Variants in GALNT11 observed in about 807,000 individuals in gnomAD.
GALNT11 encodes UDP-GalNAc:polypeptide N-acetylgalactosaminyltransferase 11.
In GALNT11, 47 loss-of-function variants were observed where a neutral mutation model predicts 72.7. The ratio of observed to expected loss-of-function variants is 0.65; its 90% confidence interval spans 0.51 to 0.82. The LOEUF (loss-of-function observed/expected upper bound fraction) is 0.82, where lower values mean the gene tolerates loss of function less well. Among genes scored for constraint, GALNT11 ranks in the 40% least tolerant of loss-of-function variants. The pLI, the probability that GALNT11 is intolerant of heterozygous loss-of-function variation, is 0.00. For synonymous variants in GALNT11, 270 were observed against 286.6 expected (o/e 0.94, Z 0.58); for missense variants, 677 against 778.4 (o/e 0.87, Z 1.55).
intron 1 of GALNT11, among the ~76,000 whole-genome samples, chr7:152,071,624 A>G (rs1412849458): frequency 6.6e-6 from 1 of 152,242 alleles, no homozygotes; most frequent in Non-Finnish European, 1.5e-5. Flanking sequence ...AAGTAAAGAC[A>G]GGCATAGGAA....
chr7:152,096,672 G>A (rs1452057155), intron 2 of GALNT11, among the ~76,000 whole-genome samples: 2 of 146,446 alleles, frequency 1.4e-5, no homozygotes, highest in African/African-American at 2.6e-5. Flanking sequence ...TCAAGATCGC[G>A]CCATTGTACT....
chr7:152,055,561 G>A (rs1320697596), intron 1 of GALNT11, among the ~76,000 whole-genome samples: 4 of 114,328 alleles, frequency 3.5e-5, no homozygotes, highest in Non-Finnish European at 3.4e-5. Context: ...GTGTGTGTGT[G>A]TGTGTGTATA....
chr7:152,120,902 C>T lies in GALNT11; in HGVS notation c.1629C>T (p.Arg543=), dbSNP rs143156028. 578 of 1,613,452 alleles carry T rather than the reference C, an allele frequency of 3.6e-4. No homozygotes were observed. The highest frequency in any genetic ancestry group is 4.4e-4 in the Non-Finnish European group (522 of 1,179,660). ...SLLCLDMSET[R]SSDPPRLMKC... is the part of the protein sequence containing the mutation. ...TTTGTCTAGATATGTCAGAGACTCGCTCATCAGACCCGCCACGGCTCATGA... is the reference window on the plus strand; with the variant it reads ...TTTGTCTAGATATGTCAGAGACTCGTTCATCAGACCCGCCACGGCTCATGA... The change falls in exon 11 of 12, where the codon CGC becomes CGT. Residue 543 remains arginine (R), a synonymous_variant. Coordinates refer to ENST00000430044, the MANE Select transcript of GALNT11 (RefSeq NM_022087.4).
At chr7:152,047,900 C>T (rs1290296717) in intron 1 of GALNT11, among the ~76,000 whole-genome samples, 1 of 151,760 alleles carries the variant, frequency 6.6e-6, no homozygotes, top group Admixed American at 6.6e-5. Context: ...TTGATCAGTT[C>T]GTCTTTTAGT....
chr7:152,089,042 G>A (rs1272541411), intron 1 of GALNT11, among the ~76,000 whole-genome samples: 4 of 152,142 alleles, frequency 2.6e-5, no homozygotes, highest in Non-Finnish European at 4.4e-5. Context: ...CTTCATTCAT[G>A]TGAAGCTGGC....
intron 1 of GALNT11, among the ~76,000 whole-genome samples, chr7:152,051,199 G>A (rs1159720967): frequency 2.1e-5 from 1 of 46,808 alleles, no homozygotes; most frequent in Non-Finnish European, 4.9e-5. Flanking sequence ...ATATCTGGTT[G>A]TTTTTTTTTT....
intron 1 of GALNT11, among the ~76,000 whole-genome samples, chr7:152,057,544 T>C (rs2083755462): frequency 6.6e-6 from 1 of 152,054 alleles, no homozygotes; most frequent in Admixed American, 6.6e-5. Flanking sequence ...TGACCTCAAA[T>C]GACCCACCCG....
chr7:152,036,468 A>G (rs1340019664), intron 1 of GALNT11, among the ~76,000 whole-genome samples: 2 of 152,084 alleles, frequency 1.3e-5, no homozygotes, highest in Non-Finnish European at 2.9e-5. Context: ...TATATGTACC[A>G]TGTTTTCTTT....
rs1445532623 is a variant in GALNT11 at position 152,110,533 on chromosome 7, C to G, written c.968C>G (p.Pro323Arg). The change falls in exon 7 of 12, where the codon CCA (proline) becomes CGA (arginine). Residue 323 changes from proline (P) to arginine (R), a missense_variant. By Grantham distance (103) the Pro-to-Arg change is moderately radical (BLOSUM62 -2). Coordinates refer to ENST00000430044, the MANE Select transcript of GALNT11 (RefSeq NM_022087.4). ...AEGATAPIKS[P>R]TMAGGLFAMN... ...AGTAATTTTCCTTTTTCTAGGTCAC[C>G]AACAATGGCTGGAGGTTTGTTTGCC... The G allele has an allele frequency of 6.2e-7, 1 of 1,611,900 alleles. No individual in the cohort carries two copies. Among genetic ancestry groups the G allele is most frequent in the Admixed American group, 1.7e-5 (1 of 59,484 alleles).
intron 1 of GALNT11, among the ~76,000 whole-genome samples, chr7:152,043,458 G>A (rs1354682326): frequency 2.0e-5 from 3 of 152,238 alleles, no homozygotes; most frequent in African/African-American, 7.2e-5. Flanking sequence ...TTGAAATGGG[G>A]CCGGGAACTG....
chr7:152,034,989 G>C (rs2082491700), intron 1 of GALNT11, among the ~76,000 whole-genome samples: 1 of 152,132 alleles, frequency 6.6e-6, no homozygotes, highest in East Asian at 1.9e-4. Context: ...TACCCCTCCT[G>C]TAAAGATGTT....
intron 1 of GALNT11, among the ~76,000 whole-genome samples, chr7:152,068,792 G>A (rs1354288377): frequency 6.6e-6 from 1 of 151,722 alleles, no homozygotes; most frequent in Non-Finnish European, 1.5e-5. Flanking sequence ...CAATTTCATT[G>A]ATTTCTATTT....
At chr7:152,083,079 C>T (rs191529708) in intron 1 of GALNT11, among the ~76,000 whole-genome samples, 2 of 152,306 alleles carry the variant, frequency 1.3e-5, no homozygotes, top group Admixed American at 1.3e-4. Flanking sequence ...TGAGATATTA[C>T]TCTTTTGTCT....
chr7:152,121,257 CTGTAATCCCAGCACT>C (rs1563087060), intron 11 of GALNT11, among the ~76,000 whole-genome samples: 1 of 152,230 alleles, frequency 6.6e-6, no homozygotes, highest in Non-Finnish European at 1.5e-5. Context: ...TGGCTCCCGC[CTGTAATCCCAGCACT>C]GAGAAGGCGG....
intron 1 of GALNT11, among the ~76,000 whole-genome samples, chr7:152,049,993 C>T (rs2083314269): frequency 6.6e-6 from 1 of 152,108 alleles, no homozygotes; most frequent in South Asian, 2.1e-4. Context: ...GCCTGAGACT[C>T]TCCCTTCGGG....
Position 152,101,643 on chromosome 7 carries a change from G to T in GALNT11, c.419+722G>T, listed in dbSNP as rs867093346. ...TTCTCTAAGTTCATGGCTTTTTTTT[G>T]GGGGGGGGGGGATGGAGTCTTTCTC... is the stretch of plus-strand genomic sequence containing the variant. On this transcript the variant is annotated intron_variant, in intron 3 of 11. Coordinates refer to ENST00000430044, the MANE Select transcript of GALNT11 (RefSeq NM_022087.4). 6.0e-3 allele frequency among the ~76,000 whole-genome samples: 561 copies of T among 94,032 alleles called. 7 individuals are homozygous for T. The highest frequency in any genetic ancestry group is 0.022 in the African/African-American group (337 of 15,000). The allele number at this position is 94,032 out of a possible 152,430, so 61.7% of individuals were successfully genotyped here.
At chr7:152,078,076 T>G (rs534687341) in intron 1 of GALNT11, among the ~76,000 whole-genome samples, 1 of 151,346 alleles carries the variant, frequency 6.6e-6, no homozygotes, top group African/African-American at 2.4e-5. Flanking sequence ...AGAAGAAACC[T>G]CTCTGAATGA....
At chr7:152,056,845 T>A (rs1366865681) in intron 1 of GALNT11, among the ~76,000 whole-genome samples, 1 of 151,850 alleles carries the variant, frequency 6.6e-6, no homozygotes, top group Non-Finnish European at 1.5e-5. Flanking sequence ...AGATACTTTT[T>A]TTTTTTTTGA....
intron 1 of GALNT11, among the ~76,000 whole-genome samples, chr7:152,060,436 T>C (rs2128997704): frequency 6.6e-6 from 1 of 152,268 alleles, no homozygotes; most frequent in Non-Finnish European, 1.5e-5. Flanking sequence ...ATCTTGGCTT[T>C]CCACATGCCT....
Sources: allele counts gnomAD v4.1 joint callset (sites outside exome capture counted in the v4.1 genomes callset), GRCh38; gene constraint gnomAD v4.1.1; transcripts MANE v1.5; gene names NCBI Gene and HGNC (gene_info 2026-07-23, HGNC 2026-07-21).